The following TAAR1 variants were observed in gnomAD, a reference collection of about 807,000 sequenced individuals.
The protein encoded by TAAR1 is trace amine-associated receptor 1.
In TAAR1, 1 loss-of-function variant was observed where a neutral mutation model predicts 1.2. The ratio of observed to expected loss-of-function variants is 0.81; its 90% confidence interval spans 0.29 to 3.86. The LOEUF is 3.86. TAAR1 is among the 30% of genes most tolerant of loss of function. The pLI is 0.18. For missense variants in TAAR1, 445 were observed against 405.6 expected (o/e 1.10, Z -0.83); for synonymous variants, 153 against 132.2 (o/e 1.16, Z -1.08).
intron 1 of TAAR1, among the ~76,000 whole-genome samples, chr6:132,658,863 C>A (rs1777838576): frequency 6.6e-6 from 1 of 152,254 alleles, no homozygotes; most frequent in South Asian, 2.1e-4. Context: ...AGAGAAACAA[C>A]ACTTTTTAAA....
In TAAR1 at chr6:132,658,839, G is replaced by T. The variant is rs9285473; in HGVS notation, c.-127+291C>A. The stretch of plus-strand genomic sequence containing the variant: ...TCAAATGTCCTAGCTTTCCATAAAT[G>T]AATTTTTAATAAAAGAGAAACAACA... On this transcript the variant is annotated intron_variant, in intron 1 of 1. Transcript: ENST00000275216. 8.2e-3 allele frequency among the ~76,000 whole-genome samples: 1,255 copies of T among 152,140 alleles called. 19 individuals carry two copies. The highest frequency in any genetic ancestry group is 0.028 in the African/African-American group (1,159 of 41,524).
Position 132,645,015 on chromosome 6 carries a change from C to A in TAAR1, c.989G>T (p.Arg330Met), listed in dbSNP as rs767049639. The A allele has an allele frequency of 1.0e-5, 16 of 1,575,632 alleles. No homozygotes were observed. The Admixed American group carries it at 3.3e-4, about 32-fold the overall frequency. ...FGKIFQKDSS[R>M]CKLFLELSS is the part of the protein sequence containing the mutation. ...ACTCAATTCCAAAAATAATTTACAC[C>A]TGGATGAATCTTTTTGGAAAATTTT... The change falls in exon 2 of 2, where the codon AGG becomes ATG. Residue 330 changes from arginine to methionine, a missense_variant. Arg to Met is a moderately conservative substitution (Grantham distance 91, BLOSUM62 -1). Coordinates refer to ENST00000275216, the MANE Select transcript of TAAR1 (RefSeq NM_138327.4).
rs1044946273 is a variant in TAAR1 at position 132,645,036 on chromosome 6, A to G, written c.968T>C (p.Ile323Thr). The G allele has an allele frequency of 1.3e-6, 2 of 1,585,588 alleles. No individual in the cohort carries two copies. Among genetic ancestry groups the G allele is most frequent in the African/African-American group, 2.7e-5 (2 of 72,980 alleles). Residue 323 changes from isoleucine to threonine, a missense_variant, in exon 2 of 2, where the codon ATT (isoleucine) becomes ACT (threonine). Ile to Thr is a moderately conservative substitution (Grantham distance 89, BLOSUM62 -1). Transcript: ENST00000275216. ...ACACCTGGATGAATCTTTTTGGAAA[A>G]TTTTACCAAACAGCATCATCTTCAG... is the stretch of plus-strand genomic sequence containing the variant. ...KALKMMLFGK[I>T]FQKDSSRCKL...
chr6:132,647,626 AAGAAAGAAAGAAAGAAAG>A (rs1777694590), intron 1 of TAAR1, among the ~76,000 whole-genome samples: 2 of 56,634 alleles, frequency 3.5e-5, no homozygotes, highest in Admixed American at 1.4e-4. Flanking sequence ...AGAAAAAGGA[AAGAAAGAAAGAAAGAAAG>A]AAAGAAAGAA....
At chr6:132,652,678 T>C (rs1346796273) in intron 1 of TAAR1, among the ~76,000 whole-genome samples, 2 of 148,424 alleles carry the variant, frequency 1.3e-5, no homozygotes, top group African/African-American at 5.0e-5. Context: ...GATAGAAGAA[T>C]TCCTGGCTTC....
At chr6:132,656,183 A>G (rs1051077510) in intron 1 of TAAR1, among the ~76,000 whole-genome samples, 11 of 152,166 alleles carry the variant, frequency 7.2e-5, no homozygotes, top group Non-Finnish European at 1.2e-4. Flanking sequence ...AAAGAAAACA[A>G]AAACAAAAAA....
chr6:132,649,095 C>A (rs1011371547), intron 1 of TAAR1, among the ~76,000 whole-genome samples: 10 of 152,142 alleles, frequency 6.6e-5, no homozygotes, highest in African/African-American at 2.4e-4. Flanking sequence ...CCATTAACCA[C>A]CCATTCCTAA....
chr6:132,647,486 G>A (rs1304731115), intron 1 of TAAR1, among the ~76,000 whole-genome samples: 1 of 146,960 alleles, frequency 6.8e-6, no homozygotes, highest in Non-Finnish European at 1.5e-5. Flanking sequence ...AGAAAGAAAG[G>A]AAGAAGGAAG....
chr6:132,658,939 T>C (rs1379122941), intron 1 of TAAR1, among the ~76,000 whole-genome samples, 191 bp downstream of exon 1: 1 of 152,216 alleles, frequency 6.6e-6, no homozygotes, highest in African/African-American at 2.4e-5. Context: ...CTAAAGGGGC[T>C]ACTAAGCAAC....
At chr6:132,653,551 C>T (rs1360217831) in intron 1 of TAAR1, among the ~76,000 whole-genome samples, 1 of 152,154 alleles carries the variant, frequency 6.6e-6, no homozygotes, top group Non-Finnish European at 1.5e-5. Flanking sequence ...AAATTGGAGA[C>T]AGAGACATGG....
Position 132,646,122 on chromosome 6 carries a change from C to T in TAAR1, c.-119G>A, listed in dbSNP as rs1012110948. The T allele has an allele frequency of 1.7e-6, 2 of 1,157,234 alleles. No individual in the cohort carries two copies. Among genetic ancestry groups the T allele is most frequent in the African/African-American group, 1.6e-5 (1 of 64,158 alleles). The allele number at this position is 1,157,234 out of a possible 1,614,324, so 71.7% of individuals were successfully genotyped here. ...TATTTTTTATTTGCACATACTTATC[C>T]CAGAAACCTAGGAGGAAAAATAAAA... On this transcript the variant is annotated 5_prime_UTR_variant, in exon 2 of 2. Transcript: ENST00000275216.
At chr6:132,658,048 T>A (rs944464160) in intron 1 of TAAR1, among the ~76,000 whole-genome samples, 5 of 152,170 alleles carry the variant, frequency 3.3e-5, no homozygotes, top group Admixed American at 2.6e-4. Context: ...ATACTTTTAC[T>A]AAATTACTGA....
intron 1 of TAAR1, among the ~76,000 whole-genome samples, chr6:132,658,825 A>G (rs1231865586): frequency 6.6e-6 from 1 of 152,210 alleles, no homozygotes; most frequent in Non-Finnish European, 1.5e-5. Context: ...CAAATGTCCT[A>G]GCTTTCCATA....
intron 1 of TAAR1, among the ~76,000 whole-genome samples, chr6:132,647,358 G>T (rs920677160): frequency 5.2e-5 from 4 of 77,160 alleles, no homozygotes; most frequent in African/African-American, 1.9e-4. Context: ...ACACACATAC[G>T]CATGCACACA....
In TAAR1 at chr6:132,650,776, A is replaced by G. The variant is rs1031649626; in HGVS notation, c.-126-4647T>C. Among the ~76,000 whole-genome samples the G allele has an allele frequency of 4.6e-5, 7 of 152,266 alleles. No individual in the cohort carries two copies. In the East Asian group the frequency reaches 1.4e-3, roughly 29 times the overall value. On this transcript the variant is annotated intron_variant, in intron 1 of 1. Transcript: ENST00000275216. Reference sequence around the variant, plus strand: ...GCCCCATACCCATCTCTTTATGCCTATTCCAAGATATACCCTCCAACTCTC... The same window carrying G: ...GCCCCATACCCATCTCTTTATGCCTGTTCCAAGATATACCCTCCAACTCTC...
At chr6:132,655,570 T>C (rs1777796761) in intron 1 of TAAR1, among the ~76,000 whole-genome samples, 1 of 152,068 alleles carries the variant, frequency 6.6e-6, no homozygotes, top group South Asian at 2.1e-4. Flanking sequence ...TGGTCTTGAA[T>C]GCCTGGGGCT....
At chr6:132,657,518 G>T (rs931732236) in intron 1 of TAAR1, among the ~76,000 whole-genome samples, 16 of 151,618 alleles carry the variant, frequency 1.1e-4, no homozygotes, top group African/African-American at 3.4e-4. Context: ...ACATTTACAG[G>T]TTATTTAAAA....
At chr6:132,651,904 GGT>G (rs1305984365) in intron 1 of TAAR1, among the ~76,000 whole-genome samples, 1 of 152,204 alleles carries the variant, frequency 6.6e-6, no homozygotes, top group Non-Finnish European at 1.5e-5. Context: ...AAACCTGCAT[GGT>G]GACATGCTGC....
In TAAR1 at chr6:132,645,647, A is replaced by G. The variant is rs1777661423; in HGVS notation, c.357T>C (p.Ile119=). 2 of 1,613,642 alleles carry G rather than the reference A, an allele frequency of 1.2e-6. No homozygotes were observed. The highest frequency in any genetic ancestry group is 1.7e-6 in the Non-Finnish European group (2 of 1,179,794). Residue 119 remains isoleucine (I), a synonymous_variant, in exon 2 of 2, where the codon ATT becomes ATC. Transcript: ENST00000275216. ...ASIFHLSFIS[I]DRYYAVCDPL... is the part of the protein sequence containing the mutation. The stretch of plus-strand genomic sequence containing the variant: ...GATCACACACAGCATAGTAGCGGTC[A>G]ATGGAGATGAAAGACAAATGGAAAA...
Sources: allele counts gnomAD v4.1 joint callset (sites outside exome capture counted in the v4.1 genomes callset), GRCh38; gene constraint gnomAD v4.1.1; transcripts MANE v1.5; gene names NCBI Gene and HGNC (gene_info 2026-07-23, HGNC 2026-07-21).